STK32B: variants seen among roughly 807,000 people sequenced by gnomAD.
STK32B encodes serine/threonine-protein kinase 32B.
A neutral mutation model predicts 52.6 loss-of-function variants in STK32B; 43 were observed. The observed-to-expected ratio is 0.82, with a 90% CI of 0.64 to 1.05. The LOEUF (loss-of-function observed/expected upper bound fraction) is 1.05. Among genes scored for constraint, STK32B ranks in the 50% least tolerant of loss-of-function variants. The pLI is 0.00. For synonymous variants in STK32B, 238 were observed against 204.3 expected (o/e 1.17, Z -1.41); for missense variants, 621 against 534.6 (o/e 1.16, Z -1.59).
At chr4:5,103,844 T>C (rs535432037) in intron 1 of STK32B, among the ~76,000 whole-genome samples, 2 of 152,222 alleles carry the variant, frequency 1.3e-5, no homozygotes, top group Admixed American at 6.5e-5. Flanking sequence ...TACATATTTT[T>C]AAAATTGCAT....
intron 3 of STK32B, among the ~76,000 whole-genome samples, chr4:5,247,642 A>C (rs912231341): frequency 4.6e-5 from 7 of 152,046 alleles, no homozygotes; most frequent in African/African-American, 1.7e-4. Flanking sequence ...GAAATGCAGA[A>C]ATCACCCATC....
intron 1 of STK32B, among the ~76,000 whole-genome samples, chr4:5,056,101 G>T (rs1054195442): frequency 6.6e-6 from 1 of 152,080 alleles, no homozygotes. Flanking sequence ...ATCAGCAGCC[G>T]CATTAGGTTC....
rs1717707960 is a variant in STK32B at position 5,469,713 on chromosome 4, C to G, written c.1106+1643C>G. Reference sequence around the variant, plus strand: ...CACACACCAGGCTTGGGCAGCAAGCCTCACCTGCTAGAGGACCACATGTTG... The same window carrying G: ...CACACACCAGGCTTGGGCAGCAAGCGTCACCTGCTAGAGGACCACATGTTG... On this transcript the variant is annotated intron_variant, in intron 11 of 11. Coordinates refer to ENST00000282908, the MANE Select transcript of STK32B (RefSeq NM_018401.3). This position sits in a 1 kb window ranked among gnomAD's most constrained non-coding sequence, Gnocchi z 4.7. Among the ~76,000 whole-genome samples, 2 of 152,226 alleles carry G rather than the reference C, an allele frequency of 1.3e-5. No individual in the cohort carries two copies. The highest frequency in any genetic ancestry group is 4.8e-5 in the African/African-American group (2 of 41,478).
At chr4:5,483,265 G>A (rs1440885457) in intron 11 of STK32B, among the ~76,000 whole-genome samples, 2 of 151,546 alleles carry the variant, frequency 1.3e-5, no homozygotes, top group Admixed American at 6.6e-5. Context: ...CAATTTCAGA[G>A]CCTGTTATTG....
chr4:5,033,386 G>A, the STK32B span, among the ~76,000 whole-genome samples: 1 of 152,120 alleles, frequency 6.6e-6, no homozygotes, highest in Non-Finnish European at 1.5e-5. Context: ...TCCTCCCTTG[G>A]GAAGCATTTT....
intron 1 of STK32B, among the ~76,000 whole-genome samples, chr4:5,082,730 TA>T (rs11296584): frequency 0.41 from 60,608 of 148,188 alleles, 12,281 homozygotes; most frequent in Middle Eastern, 0.48. Context: ...ATGTTCGTAG[TA>T]AAAAAAAAAA....
chr4:5,477,094 A>T (rs554449546), intron 11 of STK32B, among the ~76,000 whole-genome samples: 2 of 152,150 alleles, frequency 1.3e-5, no homozygotes, highest in Non-Finnish European at 2.9e-5. Flanking sequence ...CAGAGCAAGG[A>T]AACAAATATA....
intron 3 of STK32B, among the ~76,000 whole-genome samples, chr4:5,314,652 A>T (rs1438977452): frequency 6.6e-6 from 1 of 152,078 alleles, no homozygotes; most frequent in African/African-American, 2.4e-5. Flanking sequence ...CCTGGGTGAT[A>T]AGAGCAAGAC....
chr4:5,329,264 C>G (rs989112055), intron 3 of STK32B, among the ~76,000 whole-genome samples: 2 of 152,102 alleles, frequency 1.3e-5, no homozygotes, highest in South Asian at 4.2e-4. Flanking sequence ...GAGGTTTGTT[C>G]CAGTCTCTCA....
rs1174379916 is a variant in STK32B at position 5,453,552 on chromosome 4, CTG to C, written c.667-3253_667-3252del. Among the ~76,000 whole-genome samples, 1 of 151,950 alleles carries C rather than the reference CTG, an allele frequency of 6.6e-6. No homozygotes were observed. On this transcript the variant is annotated intron_variant, in intron 7 of 11. Transcript: ENST00000282908. This position sits in a 1 kb window ranked among gnomAD's most constrained non-coding sequence, Gnocchi z 4.0. ...CCTCCTTTTCAGGGTAGGGGTGGGA[CTG>C]TTTTGGGCAGAACTGTTTATTGAAA...
chr4:5,252,163 T>C (rs1389425693), intron 3 of STK32B, among the ~76,000 whole-genome samples: 1 of 152,190 alleles, frequency 6.6e-6, no homozygotes, highest in Non-Finnish European at 1.5e-5. Context: ...TGTGATGAGA[T>C]ACCTTTTCTA....
At chr4:5,464,051 G>C (rs1226825347) in intron 9 of STK32B, among the ~76,000 whole-genome samples, 2 of 152,204 alleles carry the variant, frequency 1.3e-5, no homozygotes, top group Non-Finnish European at 2.9e-5. Flanking sequence ...CTTCCAGTCA[G>C]GGCGGAAGGT....
At chr4:5,065,999 C>T (rs1742406824) in intron 1 of STK32B, among the ~76,000 whole-genome samples, 1 of 152,194 alleles carries the variant, frequency 6.6e-6, no homozygotes. Context: ...GCTGGGATTA[C>T]AGGTGTGAGC....
upstream of STK32B, among the ~76,000 whole-genome samples, chr4:5,049,201 GTT>G (rs879582644): frequency 1.4e-5 from 2 of 143,740 alleles, no homozygotes; most frequent in African/African-American, 2.5e-5. Flanking sequence ...CTTTTCTTTT[GTT>G]TTTTTTTTTT....
chr4:5,258,545 C>A (rs1362984422), intron 3 of STK32B, among the ~76,000 whole-genome samples: 1 of 152,172 alleles, frequency 6.6e-6, no homozygotes, highest in Admixed American at 6.5e-5. Flanking sequence ...CTGCTCCATT[C>A]TCCCCAGTGT....
chr4:5,384,153 G>A (rs1012656904), intron 4 of STK32B, among the ~76,000 whole-genome samples: 1 of 152,178 alleles, frequency 6.6e-6, no homozygotes, highest in Non-Finnish European at 1.5e-5. Context: ...GGATGGAGGG[G>A]GTAGGCCCAG....
rs1716934973 is a variant in STK32B at position 5,460,286 on chromosome 4, G to GCAAA, written c.909+59_909+62dup. ...CCCTCTGCAGGGTCCCCGCCTTGGT[G>GCAAA]CAAAGCAAGACTTTGGCAGCTGGCT... is the stretch of plus-strand genomic sequence containing the variant. On this transcript the variant is annotated intron_variant, in intron 9 of 11. Coordinates refer to ENST00000282908, the MANE Select transcript of STK32B (RefSeq NM_018401.3). The surrounding 1 kb of genome is among the most constrained non-coding windows in gnomAD (Gnocchi z 4.8). 4.5e-6 allele frequency: 7 copies of GCAAA among 1,556,386 alleles called. No homozygotes were observed. Among genetic ancestry groups the GCAAA allele is most frequent in the Non-Finnish European group, 6.1e-6 (7 of 1,151,532 alleles).
At chr4:5,276,357 A>G (rs894834597) in intron 3 of STK32B, among the ~76,000 whole-genome samples, 1 of 152,098 alleles carries the variant, frequency 6.6e-6, no homozygotes, top group Admixed American at 6.5e-5. Flanking sequence ...AATTATCCAG[A>G]CTTGTTAGAA....
the STK32B span, among the ~76,000 whole-genome samples, chr4:5,026,256 A>G: frequency 7.2e-5 from 11 of 152,256 alleles, no homozygotes; most frequent in Non-Finnish European, 1.6e-4. Context: ...ACAGGTAACC[A>G]GGGAAATACT....
Sources: allele counts gnomAD v4.1 joint callset (sites outside exome capture counted in the v4.1 genomes callset), GRCh38; gene constraint gnomAD v4.1.1; non-coding constraint Gnocchi (gnomAD v3.1); transcripts MANE v1.5; gene names NCBI Gene and HGNC (gene_info 2026-07-23, HGNC 2026-07-21).